The following ZFYVE9 variants were observed in gnomAD, a reference collection of about 807,000 sequenced individuals.
ZFYVE9 encodes the protein zinc finger FYVE-type containing 9.
In ZFYVE9, 43 loss-of-function variants were observed where a neutral mutation model predicts 126.7. The ratio of observed to expected loss-of-function variants is 0.34; its 90% confidence interval spans 0.27 to 0.44. ZFYVE9 has a LOEUF of 0.44. Ranked by LOEUF, ZFYVE9 falls within the 20% of genes least tolerant of loss-of-function variation. The pLI, the probability that ZFYVE9 is intolerant of heterozygous loss-of-function variation, is 1.00. For synonymous variants in ZFYVE9, 521 were observed against 597.4 expected (o/e 0.87, Z 1.87); for missense variants, 1,476 against 1,697.0 (o/e 0.87, Z 2.29).
chr1:52,152,774 A>T (rs1644369263), intron 1 of ZFYVE9, among the ~76,000 whole-genome samples: 1 of 152,230 alleles, frequency 6.6e-6, no homozygotes, highest in African/African-American at 2.4e-5. Context: ...TAACAATAAT[A>T]CATCAGTGGG....
intron 2 of ZFYVE9, 128 bp downstream of exon 2, chr1:52,216,602 A>G (rs1389304386): frequency 7.6e-6 from 3 of 394,566 alleles, no homozygotes; most frequent in African/African-American, 4.1e-5. Flanking sequence ...AATCAGGAGT[A>G]TGCTTTTTTT....
chr1:52,271,895 A>C (rs1306083432), intron 7 of ZFYVE9, among the ~76,000 whole-genome samples: 1 of 152,156 alleles, frequency 6.6e-6, no homozygotes, highest in Non-Finnish European at 1.5e-5. Context: ...GCTGGAGTGC[A>C]GTGGCATGAT....
intron 1 of ZFYVE9, among the ~76,000 whole-genome samples, chr1:52,214,662 A>G (rs1645056351): frequency 1.3e-5 from 2 of 151,968 alleles, no homozygotes; most frequent in Non-Finnish European, 2.9e-5. Context: ...CCAATAGTAT[A>G]TGGAGGGGTG....
intron 12 of ZFYVE9, among the ~76,000 whole-genome samples, chr1:52,303,447 C>T (rs990707033): frequency 3.9e-5 from 6 of 152,104 alleles, no homozygotes; most frequent in African/African-American, 1.4e-4. Context: ...TAAGATGTTC[C>T]AGGCGTTAAG....
rs1455495067 is a variant in ZFYVE9 at position 52,180,971 on chromosome 1, G to A, written c.-142-35398G>A. Among the ~76,000 whole-genome samples, 27 of 100,470 alleles carry A rather than the reference G, an allele frequency of 2.7e-4. No homozygotes were observed. The East Asian group carries it at 5.5e-3, about 20-fold the overall frequency. The allele number at this position is 100,470 out of a possible 152,430, so 65.9% of individuals were successfully genotyped here. ...CCTGGGCAACAAAGAGCAAAACTCC[G>A]TCTCAAAAAAAAAAAAAAAAAAAAA... On this transcript the variant is annotated intron_variant, in intron 1 of 18. Coordinates refer to ENST00000287727, the MANE Select transcript of ZFYVE9 (RefSeq NM_004799.4).
Position 52,235,494 on chromosome 1 carries a change from TTTAA to T in ZFYVE9, c.71-1993_71-1990del, listed in dbSNP as rs1364871781. ...ATATGACTTATTTGCTTTTTTTTCT[TTTAA>T]GGAATCCTGTGTTACTAAATTTCAA... is the stretch of plus-strand genomic sequence containing the variant. On this transcript the variant is annotated intron_variant, in intron 3 of 18. Transcript: ENST00000287727. Among the ~76,000 whole-genome samples, 5 of 152,290 alleles carry T rather than the reference TTTAA, an allele frequency of 3.3e-5. No individual in the cohort carries two copies. In the East Asian group the frequency reaches 9.6e-4, roughly 29 times the overall value.
At position 52,339,120 on chromosome 1, in the gene ZFYVE9, T is replaced by C. The variant is rs570230614; in HGVS notation, c.3834-1006T>C. On this transcript the variant is annotated intron_variant, in intron 16 of 18. Coordinates refer to ENST00000287727, the MANE Select transcript of ZFYVE9 (RefSeq NM_004799.4). ...GAATCCTAATCAGAATGAATGTGTA[T>C]CTCCATGTATTTATACTTGTATTTC... Among the ~76,000 whole-genome samples, 519 of 152,336 alleles carry C rather than the reference T, an allele frequency of 3.4e-3. 2 individuals are homozygous for C. Among genetic ancestry groups the C allele is most frequent in the African/African-American group, 0.012 (489 of 41,570 alleles).
intron 18 of ZFYVE9, among the ~76,000 whole-genome samples, chr1:52,345,549 ATC>A (rs1239903269): frequency 2.0e-5 from 3 of 152,006 alleles, no homozygotes; most frequent in Non-Finnish European, 4.4e-5. Context: ...TTCTGGTCCT[ATC>A]TCACATAAAA....
chr1:52,186,448 C>T (rs995323895), intron 1 of ZFYVE9, among the ~76,000 whole-genome samples: 8 of 152,170 alleles, frequency 5.3e-5, no homozygotes, highest in African/African-American at 1.9e-4. Context: ...CTATTCAGCA[C>T]AGTATTGGAA....
intron 8 of ZFYVE9, among the ~76,000 whole-genome samples, chr1:52,275,216 C>T (rs1156268470): frequency 1.3e-5 from 2 of 152,028 alleles, no homozygotes. Context: ...AGCATAGTAC[C>T]CAATGGGTAA....
At chr1:52,323,547 A>G (rs1055016630) in intron 13 of ZFYVE9, among the ~76,000 whole-genome samples, 1 of 152,230 alleles carries the variant, frequency 6.6e-6, no homozygotes, top group Non-Finnish European at 1.5e-5. Context: ...GGCTAAATGA[A>G]TAAGTATTTT....
rs1646373889 is a variant in ZFYVE9, at chr1:52,334,744, C to G, written c.3646C>G (p.Leu1216Val). 1 of 1,613,898 alleles carries G rather than the reference C, an allele frequency of 6.2e-7. No homozygotes were observed. Among genetic ancestry groups the G allele is most frequent in the Non-Finnish European group, 8.5e-7 (1 of 1,179,918 alleles). ...SGALKSSSGY[L>V]AKSSIVEDGV... ...CGCTCTGAAATCCTCTTCTGGATACCTTGCCAAGTCCAGTATTGTGGAAGG... is the reference window on the plus strand; with the variant it reads ...CGCTCTGAAATCCTCTTCTGGATACGTTGCCAAGTCCAGTATTGTGGAAGG... The change falls in exon 15 of 19, where the codon CTT (leucine) becomes GTT (valine). Residue 1216 changes from leucine to valine, a missense_variant. By Grantham distance (32) the Leu-to-Val change is conservative. Around this residue, in one of 2 missense-constraint regions of ZFYVE9, gnomAD observed 669 missense variants for 902.4 expected, o/e 0.74. Coordinates refer to ENST00000287727, the MANE Select transcript of ZFYVE9 (RefSeq NM_004799.4).
intron 1 of ZFYVE9, among the ~76,000 whole-genome samples, chr1:52,165,106 TA>T (rs968178623): frequency 4.0e-5 from 6 of 151,218 alleles, no homozygotes; most frequent in Admixed American, 6.6e-5. Flanking sequence ...TTTACCACAA[TA>T]AAAAAAAATC....
rs1645518288 is a variant in ZFYVE9 at position 52,256,266 on chromosome 1, A to G, written c.2179-7507A>G. Among the ~76,000 whole-genome samples, 3 of 151,832 alleles carry G rather than the reference A, an allele frequency of 2.0e-5. No homozygotes were observed. The South Asian group carries it at 6.2e-4, about 32-fold the overall frequency. On this transcript the variant is annotated intron_variant, in intron 4 of 18. Transcript: ENST00000287727. Reference sequence around the variant, plus strand: ...GTATTTTTAGTAGAGACGGGGTTTCACCATGTTGGTCAGGCTGGTCTTGAA... The same window carrying G: ...GTATTTTTAGTAGAGACGGGGTTTCGCCATGTTGGTCAGGCTGGTCTTGAA...
intron 1 of ZFYVE9, among the ~76,000 whole-genome samples, chr1:52,172,908 CAA>C (rs1469964587): frequency 6.6e-6 from 1 of 152,048 alleles, no homozygotes; most frequent in Non-Finnish European, 1.5e-5. Context: ...TGGGCTGAGA[CAA>C]TGGGGTTTTC....
rs563972088 is a variant in ZFYVE9, at chr1:52,268,889, C to T, written c.2625+257C>T. On this transcript the variant is annotated intron_variant, in intron 7 of 18. Transcript: ENST00000287727. ...CAGGTGCTCCACTTTAGCTAGCAGT[C>T]GGGCTGTGGGGAATTCTGTCCCCTT... 9.9e-5 allele frequency among the ~76,000 whole-genome samples: 15 copies of T among 152,250 alleles called. No individual in the cohort carries two copies. In the East Asian group the frequency reaches 2.7e-3, roughly 27 times the overall value.
chr1:52,269,082 A>G (rs1645662112), intron 7 of ZFYVE9, among the ~76,000 whole-genome samples: 1 of 152,178 alleles, frequency 6.6e-6, no homozygotes, highest in Admixed American at 6.5e-5. Flanking sequence ...TGTTGAACCT[A>G]CACTGACACA....
intron 13 of ZFYVE9, among the ~76,000 whole-genome samples, chr1:52,322,326 A>G (rs1646248116): frequency 6.8e-6 from 1 of 147,942 alleles, no homozygotes; most frequent in African/African-American, 2.5e-5. Flanking sequence ...TGGTCTTCCT[A>G]TTAGTACCCT....
At chr1:52,319,359 T>C (rs1646216609) in intron 13 of ZFYVE9, among the ~76,000 whole-genome samples, 1 of 152,162 alleles carries the variant, frequency 6.6e-6, no homozygotes, top group Non-Finnish European at 1.5e-5. Context: ...GCACAGTGGC[T>C]CACACCTGTA....
Sources: allele counts gnomAD v4.1 joint callset (sites outside exome capture counted in the v4.1 genomes callset), GRCh38; gene constraint gnomAD v4.1.1; regional missense constraint gnomAD v4.1.1; transcripts MANE v1.5; gene names NCBI Gene and HGNC (gene_info 2026-07-23, HGNC 2026-07-21).